Variants in PDZRN3 observed in about 807,000 individuals in gnomAD.
PDZRN3 encodes the protein E3 ubiquitin-protein ligase PDZRN3.
PDZRN3 carries 38 observed loss-of-function variants against 85.7 expected under a neutral mutation model. The observed-to-expected ratio is 0.44, with a 90% confidence interval of 0.34 to 0.58. The LOEUF (loss-of-function observed/expected upper bound fraction) is 0.58, where lower values mean the gene tolerates loss of function less well. Ranked by LOEUF, PDZRN3 falls within the 20% of genes least tolerant of loss-of-function variation. The probability of loss-of-function intolerance (pLI) is 0.01; values close to 1 mark genes in which losing one functional copy is unlikely to be tolerated. For synonymous variants in PDZRN3, 759 were observed against 638.0 expected (o/e 1.19, Z -2.86); for missense variants, 1,629 against 1,506.4 (o/e 1.08, Z -1.35).
chr3:73,413,798 G>A (rs997219023), intron 3 of PDZRN3, among the ~76,000 whole-genome samples: 1 of 152,152 alleles, frequency 6.6e-6, no homozygotes, highest in Admixed American at 6.5e-5. Context: ...CCAGTGAGAA[G>A]GATACTTGCC....
At position 73,577,556 on chromosome 3, in the gene PDZRN3, T is replaced by C. The variant is rs79491937; in HGVS notation, c.918+24798A>G. ...TCTCCCTCGCTCCCTGGCTTCTAGC[T>C]GGGACCAGTCAATGGGGCACAGCAG... On this transcript the variant is annotated intron_variant, in intron 3 of 9. Coordinates refer to ENST00000263666, the MANE Select transcript of PDZRN3 (RefSeq NM_015009.3). Among the ~76,000 whole-genome samples, 4,343 of 152,222 alleles carry C rather than the reference T, an allele frequency of 0.029. 335 individuals carry two copies. The East Asian group carries it at 0.29, about 10-fold the overall frequency.
At chr3:73,578,275 T>C (rs1254965710) in intron 3 of PDZRN3, among the ~76,000 whole-genome samples, 1 of 151,856 alleles carries the variant, frequency 6.6e-6, no homozygotes, top group African/African-American at 2.4e-5. Context: ...GTCCACGCGA[T>C]TCTCCTGCCT....
intron 3 of PDZRN3, among the ~76,000 whole-genome samples, chr3:73,525,755 GC>G (rs1327703248): frequency 4.6e-5 from 7 of 152,172 alleles, no homozygotes; most frequent in African/African-American, 7.2e-5. Flanking sequence ...CCTACTTGTT[GC>G]CTCCTGCATT....
chr3:73,462,440 G>C (rs1361971662), intron 3 of PDZRN3, among the ~76,000 whole-genome samples: 2 of 150,764 alleles, frequency 1.3e-5, no homozygotes, highest in Middle Eastern at 3.4e-3. Flanking sequence ...AGCTACTTGG[G>C]AGCCCGAAGC....
chr3:73,415,429 C>CTT (rs1050863331), intron 3 of PDZRN3, among the ~76,000 whole-genome samples: 11 of 152,140 alleles, frequency 7.2e-5, no homozygotes, highest in South Asian at 2.1e-4. Flanking sequence ...TCAGGTTGGA[C>CTT]TTTGTTTTTA....
chr3:73,471,306 C>G (rs972725491), intron 3 of PDZRN3, among the ~76,000 whole-genome samples: 3 of 152,144 alleles, frequency 2.0e-5, no homozygotes, highest in Admixed American at 6.5e-5. Context: ...AAGGTCCCCC[C>G]CCAGGTTTCA....
chr3:73,425,682 T>G (rs1702299639), intron 3 of PDZRN3, among the ~76,000 whole-genome samples: 1 of 151,452 alleles, frequency 6.6e-6, no homozygotes, highest in East Asian at 1.9e-4. Flanking sequence ...TATACACTGG[T>G]GGGTATTACG....
intron 3 of PDZRN3, among the ~76,000 whole-genome samples, chr3:73,519,341 GA>G (rs1414431556): frequency 6.6e-6 from 1 of 152,256 alleles, no homozygotes; most frequent in Non-Finnish European, 1.5e-5. Context: ...ATGGTAAGAG[GA>G]GGGGGAAATG....
intron 1 of PDZRN3, among the ~76,000 whole-genome samples, chr3:73,620,974 C>T (rs1575767243): frequency 6.6e-6 from 1 of 152,246 alleles, no homozygotes; most frequent in Non-Finnish European, 1.5e-5. Flanking sequence ...AAGACCAATA[C>T]ATGTTTGGTC....
At chr3:73,485,795 T>G (rs114511989) in intron 3 of PDZRN3, among the ~76,000 whole-genome samples, 3 of 152,198 alleles carry the variant, frequency 2.0e-5, no homozygotes, top group African/African-American at 7.2e-5. Flanking sequence ...TAATCTGATA[T>G]GTGTTAGCCT....
At chr3:73,500,716 G>A (rs917757066) in intron 3 of PDZRN3, among the ~76,000 whole-genome samples, 1 of 152,038 alleles carries the variant, frequency 6.6e-6, no homozygotes, top group Admixed American at 6.6e-5. Flanking sequence ...CCCAAGCTGG[G>A]TCACCCCTTT....
intron 3 of PDZRN3, among the ~76,000 whole-genome samples, chr3:73,489,422 C>T (rs140569558): frequency 1.8e-3 from 269 of 152,116 alleles, no homozygotes; most frequent in African/African-American, 5.1e-3. Context: ...GTAGATACTC[C>T]AACTCTGCTG....
chr3:73,612,955 T>C (rs1331476334), intron 1 of PDZRN3, among the ~76,000 whole-genome samples: 1 of 152,212 alleles, frequency 6.6e-6, no homozygotes, highest in Non-Finnish European at 1.5e-5. Flanking sequence ...TTCACATAGT[T>C]CAACACCGAG....
At chr3:73,614,979 T>C (rs1048078537) in intron 1 of PDZRN3, among the ~76,000 whole-genome samples, 3 of 152,024 alleles carry the variant, frequency 2.0e-5, no homozygotes, top group African/African-American at 7.2e-5. Context: ...GTGCTTGAAA[T>C]TAAGTTGAAA....
At chr3:73,546,140 T>G (rs970013325) in intron 3 of PDZRN3, among the ~76,000 whole-genome samples, 8 of 152,132 alleles carry the variant, frequency 5.3e-5, no homozygotes, top group Non-Finnish European at 7.4e-5. Flanking sequence ...ATATGTTGAA[T>G]AAATGAGCAA....
intron 3 of PDZRN3, among the ~76,000 whole-genome samples, chr3:73,535,087 C>A (rs1704745271): frequency 6.6e-6 from 1 of 152,006 alleles, no homozygotes; most frequent in South Asian, 2.1e-4. Flanking sequence ...CCTGGGTCTG[C>A]CGTGTTGTCT....
chr3:73,565,117 ATTTTTTTTTTTTT>A (rs202184460), intron 3 of PDZRN3, among the ~76,000 whole-genome samples: 2 of 138,944 alleles, frequency 1.4e-5, no homozygotes. Context: ...ATATCCACCA[ATTTTTTTTTTTTT>A]TTTTTTTTTT....
At chr3:73,602,588 T>A (rs1702531439) in intron 2 of PDZRN3, 127 bp from the exon 3 acceptor site, 2 of 603,914 alleles carry the variant, frequency 3.3e-6, no homozygotes, top group Non-Finnish European at 5.9e-6. Context: ...TAAAAGGTAT[T>A]TGTTTCTCCT....
At chr3:73,448,527 T>A (rs1702795593) in intron 3 of PDZRN3, among the ~76,000 whole-genome samples, 1 of 151,824 alleles carries the variant, frequency 6.6e-6, no homozygotes, top group Non-Finnish European at 1.5e-5. Flanking sequence ...GAGTGAAGAG[T>A]TAATTCTACT....
Sources: allele counts gnomAD v4.1 joint callset (sites outside exome capture counted in the v4.1 genomes callset), GRCh38; gene constraint gnomAD v4.1.1; transcripts MANE v1.5; gene names NCBI Gene and HGNC (gene_info 2026-07-23, HGNC 2026-07-21).